The following DIAPH2 variants were observed in gnomAD, a reference collection of about 807,000 sequenced individuals.
The protein encoded by DIAPH2 is protein diaphanous homolog 2.
Under a neutral mutation model 92.7 loss-of-function variants are expected in DIAPH2, and 35 were observed. The ratio of observed to expected loss-of-function variants is 0.38; its 90% confidence interval spans 0.29 to 0.50. The LOEUF is 0.50. Among genes scored for constraint, DIAPH2 ranks in the 20% least tolerant of loss-of-function variants. The probability of loss-of-function intolerance (pLI) is 0.94; values close to 1 mark genes in which losing one functional copy is unlikely to be tolerated. For missense variants in DIAPH2, 701 were observed against 819.5 expected, an observed-to-expected ratio of 0.86 and a Z score of 1.77; for synonymous variants, 301 against 280.4, an observed-to-expected ratio of 1.07 and a Z score of -0.73.
intron 16 of DIAPH2, among the ~76,000 whole-genome samples, chrX:96,962,261 C>CTATATATATATACATATATATATACA (rs1556309918): frequency 5.5e-4 from 43 of 78,414 alleles, no homozygotes; most frequent in Admixed American, 9.2e-4. Context: ...TGATGCCTTT[C>CTATATATATATACATATATATATACA]TATATATATA....
chrX:96,882,926 T>C, intron 5 of DIAPH2, among the ~76,000 whole-genome samples: 1 of 79,049 alleles, frequency 1.3e-5, no homozygotes, highest in African/African-American at 5.6e-5. Flanking sequence ...GCCACTGCAC[T>C]CCAACCTGGG....
intron 23 of DIAPH2, among the ~76,000 whole-genome samples, chrX:97,329,349 A>G (rs2068977278): frequency 8.9e-6 from 1 of 111,968 alleles, no homozygotes; most frequent in South Asian, 3.7e-4. Context: ...ACTTTCCCCC[A>G]CCCACCTCTC....
At chrX:97,580,116 A>G (rs1359491621) in intron 26 of DIAPH2, among the ~76,000 whole-genome samples, 11 of 110,875 alleles carry the variant, frequency 9.9e-5, no homozygotes, top group African/African-American at 3.6e-4. Flanking sequence ...ATCTGCAAAC[A>G]GGGACAATTT....
intron 1 of DIAPH2, among the ~76,000 whole-genome samples, chrX:96,730,992 A>G (rs1362372552): frequency 1.8e-5 from 2 of 110,937 alleles, no homozygotes; most frequent in Non-Finnish European, 3.8e-5. Context: ...GGGAGTCACA[A>G]GGTGCTCAGT....
At chrX:97,200,581 G>A (rs2067739554) in intron 22 of DIAPH2, among the ~76,000 whole-genome samples, 1 of 111,582 alleles carries the variant, frequency 9.0e-6, no homozygotes, top group African/African-American at 3.3e-5. Flanking sequence ...GTGGCAAAGC[G>A]GCTGTGGCCA....
chrX:97,492,566 C>T (rs913558602), intron 26 of DIAPH2, among the ~76,000 whole-genome samples: 3 of 111,587 alleles, frequency 2.7e-5, no homozygotes, highest in Non-Finnish European at 5.6e-5. Flanking sequence ...ACTGGAAGAA[C>T]TCCCGTTAGC....
intron 1 of DIAPH2, among the ~76,000 whole-genome samples, chrX:96,725,033 A>G (rs1444222059): frequency 8.9e-6 from 1 of 111,883 alleles, no homozygotes; most frequent in African/African-American, 3.3e-5. Context: ...AATACAGCGA[A>G]GAGTCCGTCG....
chrX:97,347,354 G>C (rs1223398359), intron 23 of DIAPH2, among the ~76,000 whole-genome samples: 2 of 109,620 alleles, frequency 1.8e-5, no homozygotes, highest in Non-Finnish European at 3.8e-5. Context: ...CTCCCAAAGT[G>C]CTGGGATTAC....
chrX:96,958,323 T>A lies in DIAPH2; in HGVS notation c.1935+175T>A, dbSNP rs56763461. 8.5e-3 allele frequency among the ~76,000 whole-genome samples: 953 copies of A among 112,096 alleles called. 5 individuals carry two copies. The highest frequency in any genetic ancestry group is 0.029 in the African/African-American group (888 of 30,869). On this transcript the variant is annotated intron_variant, in intron 16 of 26. Transcript: ENST00000324765. The stretch of plus-strand genomic sequence containing the variant: ...TGTAGATAATTGGAAACTCTCCAGA[T>A]AGTTTGACATTGTGAAGCAGGCAAA...
chrX:97,291,596 G>A (rs765553724), intron 23 of DIAPH2, among the ~76,000 whole-genome samples: 5 of 106,700 alleles, frequency 4.7e-5, no homozygotes, highest in Middle Eastern at 5.0e-3. Flanking sequence ...GCAGTGGCGC[G>A]TTCTGGGCTC....
intron 23 of DIAPH2, among the ~76,000 whole-genome samples, chrX:97,319,475 G>A (rs1004670590): frequency 8.4e-5 from 9 of 107,251 alleles, no homozygotes; most frequent in African/African-American, 1.4e-4. Flanking sequence ...TGCAAGCTCC[G>A]CCTCCCGGGT....
intron 26 of DIAPH2, among the ~76,000 whole-genome samples, chrX:97,590,890 T>C (rs1011198533): frequency 2.7e-5 from 3 of 112,167 alleles, no homozygotes; most frequent in African/African-American, 9.7e-5. Flanking sequence ...GACTGTTTTT[T>C]TAAAAAAATA....
At chrX:97,517,217 A>G (rs1447914106) in intron 26 of DIAPH2, among the ~76,000 whole-genome samples, 1 of 112,149 alleles carries the variant, frequency 8.9e-6, no homozygotes, top group Non-Finnish European at 1.9e-5. Context: ...ATCATTACAG[A>G]GCATTTGAAC....
intron 26 of DIAPH2, among the ~76,000 whole-genome samples, chrX:97,510,097 A>G (rs1392620746): frequency 9.1e-6 from 1 of 110,354 alleles, no homozygotes; most frequent in African/African-American, 3.3e-5. Flanking sequence ...GACTTCCACA[A>G]TGGTTGAACT....
chrX:97,517,873 C>T (rs144442682), intron 26 of DIAPH2, among the ~76,000 whole-genome samples: 3,088 of 112,268 alleles, frequency 0.028, 35 homozygotes, highest in Non-Finnish European at 0.039. Flanking sequence ...CAAAGCCAAA[C>T]GCTGAGTTAA....
intron 4 of DIAPH2, among the ~76,000 whole-genome samples, chrX:96,867,262 A>G (rs368834248): frequency 1.4e-4 from 16 of 111,314 alleles, no homozygotes; most frequent in East Asian, 8.5e-4. Context: ...TCTGTTGCCC[A>G]GGCTGGAGTG....
At chrX:97,054,222 C>T (rs916451604) in intron 17 of DIAPH2, among the ~76,000 whole-genome samples, 2 of 111,940 alleles carry the variant, frequency 1.8e-5, no homozygotes, top group African/African-American at 6.5e-5. Flanking sequence ...GATTAGGATA[C>T]AATTTAGTTT....
chrX:97,248,882 A>T (rs1049648318), intron 23 of DIAPH2, among the ~76,000 whole-genome samples: 1 of 111,773 alleles, frequency 8.9e-6, no homozygotes, highest in African/African-American at 3.2e-5. Context: ...GTTTTGGTTC[A>T]TTAATGAATA....
At chrX:97,004,256 G>A (rs1356632019) in intron 17 of DIAPH2, among the ~76,000 whole-genome samples, 1 of 111,248 alleles carries the variant, frequency 9.0e-6, no homozygotes, top group African/African-American at 3.3e-5. Context: ...ACTCAGGATG[G>A]TTTTGGCTAT....
Sources: gnomAD v4.1 joint callset for allele counts (sites outside exome capture counted in the v4.1 genomes callset) on GRCh38, gnomAD v4.1.1 for gene constraint, MANE v1.5 for transcripts, NCBI Gene and HGNC (gene_info 2026-07-23, HGNC 2026-07-21) for gene names.